The following HUNK variants were observed in gnomAD, a reference collection of about 807,000 sequenced individuals.
HUNK encodes hormonally up-regulated neu tumor-associated kinase.
A neutral mutation model predicts 61.0 loss-of-function variants in HUNK; 21 were observed. That is an observed-to-expected ratio of 0.34 (90% CI 0.24 to 0.50). The LOEUF is 0.50. Among genes scored for constraint, HUNK ranks in the 20% least tolerant of loss-of-function variants. The probability of loss-of-function intolerance (pLI) is 0.98; values close to 1 mark genes in which losing one functional copy is unlikely to be tolerated. For missense variants in HUNK, 772 were observed against 945.7 expected, an observed-to-expected ratio of 0.82 and a Z score of 2.41; for synonymous variants, 371 against 386.1, an observed-to-expected ratio of 0.96 and a Z score of 0.46.
At chr21:31,989,396 C>A (rs946713281) in intron 8 of HUNK, among the ~76,000 whole-genome samples, 5 of 152,258 alleles carry the variant, frequency 3.3e-5, no homozygotes, top group African/African-American at 9.6e-5. Flanking sequence ...TCAGATCCAG[C>A]AATCTGTGCT....
intron 5 of HUNK, among the ~76,000 whole-genome samples, chr21:31,959,301 C>A (rs976650125): frequency 8.5e-5 from 13 of 152,126 alleles, no homozygotes; most frequent in African/African-American, 3.1e-4. Context: ...TTAAAACTCA[C>A]CATCTTATGA....
intron 4 of HUNK, among the ~76,000 whole-genome samples, chr21:31,950,348 T>C (rs1396202064): frequency 6.6e-6 from 1 of 151,988 alleles, no homozygotes; most frequent in Non-Finnish European, 1.5e-5. Flanking sequence ...AAAACCAGAT[T>C]CTTTTGTTAT....
At chr21:31,982,850 C>T (rs193221849) in intron 7 of HUNK, among the ~76,000 whole-genome samples, 5 of 152,124 alleles carry the variant, frequency 3.3e-5, no homozygotes, top group Admixed American at 2.6e-4. Context: ...GTCACCCAGG[C>T]TGGAGTGCAA....
chr21:31,888,550 A>T (rs999621743), intron 1 of HUNK, among the ~76,000 whole-genome samples: 2 of 152,188 alleles, frequency 1.3e-5, no homozygotes, highest in Non-Finnish European at 2.9e-5. Context: ...CAGACTGACC[A>T]ACATGGTGAA....
rs186880650 is a variant in HUNK at position 31,903,295 on chromosome 21, A to G, written c.262-21173A>G. ...CATAATGATTAGTTCTTGTAAGTGG[A>G]AAACATCCCTTTGAAGTCGATGATA... On this transcript the variant is annotated intron_variant, in intron 1 of 10. Transcript: ENST00000270112. Among the ~76,000 whole-genome samples, 40 of 152,322 alleles carry G rather than the reference A, an allele frequency of 2.6e-4. No homozygotes were observed. The East Asian group carries it at 7.5e-3, about 29-fold the overall frequency.
In HUNK at chr21:31,939,413, T is replaced by G. The variant is rs577635341; in HGVS notation, c.555-752T>G. ...GGCTTTCATGTGTTTTTTTTTTTTT[T>G]TTTTTTTTTTTTGAGATGGAGTTTC... On this transcript the variant is annotated intron_variant, in intron 2 of 10. Transcript: ENST00000270112. Among the ~76,000 whole-genome samples, 322 of 141,666 alleles carry G rather than the reference T, an allele frequency of 2.3e-3. 2 individuals are homozygous for G. The highest frequency in any genetic ancestry group is 2.7e-3 in the Non-Finnish European group (179 of 65,298). The allele number at this position is 141,666 out of a possible 152,430, so 92.9% of individuals were successfully genotyped here.
chr21:31,874,416 T>A (rs933298312), intron 1 of HUNK, among the ~76,000 whole-genome samples: 1 of 150,752 alleles, frequency 6.6e-6, no homozygotes, highest in African/African-American at 2.4e-5. Flanking sequence ...TCGGAGGAGG[T>A]GGGAGAAGGC....
intron 7 of HUNK, among the ~76,000 whole-genome samples, chr21:31,979,705 C>A (rs139259407): frequency 6.6e-6 from 1 of 151,214 alleles, no homozygotes; most frequent in South Asian, 2.1e-4. Flanking sequence ...TTAGTAGAGA[C>A]AGGGTTTCAC....
Position 31,941,399 on chromosome 21 carries a change from C to T in HUNK, c.610+1179C>T, listed in dbSNP as rs564986645. On this transcript the variant is annotated intron_variant, in intron 3 of 10. Transcript: ENST00000270112. ...TTGGCTCACTGCAGCCTCTGCCTCC[C>T]GGGTTCAAGCGATTCTCCTGTCTCA... 4.4e-3 allele frequency among the ~76,000 whole-genome samples: 659 copies of T among 151,338 alleles called. 6 individuals are homozygous for T. Among genetic ancestry groups the T allele is most frequent in the African/African-American group, 7.7e-3 (317 of 41,234 alleles).
chr21:31,944,132 T>G (rs1013182147), intron 3 of HUNK, among the ~76,000 whole-genome samples: 1 of 152,204 alleles, frequency 6.6e-6, no homozygotes, highest in African/African-American at 2.4e-5. Context: ...CAGGCTGGAG[T>G]GCAGTGGCGC....
chr21:31,929,104 T>A (rs1181228891), intron 2 of HUNK, among the ~76,000 whole-genome samples: 1 of 152,152 alleles, frequency 6.6e-6, no homozygotes, highest in Non-Finnish European at 1.5e-5. Flanking sequence ...CTGATTAGGC[T>A]GATATTATGT....
At chr21:31,985,630 C>G (rs1284267924) in intron 8 of HUNK, among the ~76,000 whole-genome samples, 1 of 152,070 alleles carries the variant, frequency 6.6e-6, no homozygotes, top group Non-Finnish European at 1.5e-5. Context: ...CGGCAGGGGG[C>G]GGGGCAGCCA....
chr21:31,903,614 A>G (rs1568921034), intron 1 of HUNK, among the ~76,000 whole-genome samples: 1 of 152,222 alleles, frequency 6.6e-6, no homozygotes, highest in Non-Finnish European at 1.5e-5. Context: ...CCTGGATAGA[A>G]CAGAAATGTT....
At chr21:31,943,259 A>G (rs942764971) in intron 3 of HUNK, among the ~76,000 whole-genome samples, 1 of 152,228 alleles carries the variant, frequency 6.6e-6, no homozygotes, top group Non-Finnish European at 1.5e-5. Flanking sequence ...TTTCAAAAAA[A>G]GCAGTCTGAT....
intron 7 of HUNK, among the ~76,000 whole-genome samples, chr21:31,980,379 CT>C (rs35350096): frequency 4.0e-3 from 339 of 84,538 alleles, no homozygotes; most frequent in Middle Eastern, 0.016. Flanking sequence ...CTGTCTTCTT[CT>C]TTTTTTTTTT....
intron 4 of HUNK, among the ~76,000 whole-genome samples, chr21:31,946,846 C>G (rs1264515117): frequency 1.3e-5 from 2 of 152,220 alleles, no homozygotes; most frequent in African/African-American, 4.8e-5. Flanking sequence ...AACTCCTGAC[C>G]TCAGGTGAAC....
At chr21:31,980,139 T>C (rs1264526156) in intron 7 of HUNK, among the ~76,000 whole-genome samples, 1 of 152,212 alleles carries the variant, frequency 6.6e-6, no homozygotes, top group East Asian at 1.9e-4. Flanking sequence ...TGGTGTGATC[T>C]CAGCTCACCG....
chr21:31,920,927 G>A (rs189692714), intron 1 of HUNK, among the ~76,000 whole-genome samples: 35 of 152,230 alleles, frequency 2.3e-4, no homozygotes, highest in Admixed American at 2.0e-3. Flanking sequence ...CAAGGTGGGC[G>A]GATCACTTGA....
chr21:31,892,209 A>AGAGT lies in HUNK; in HGVS notation c.261+18275_261+18276insAGTG, dbSNP rs1310942168. Reference sequence around the variant, plus strand: ...GAGAGAGAGAGAGAGAGAGAGAGAGAGTGTGTGTGTGTGTGTGTGTGTACA... The same window carrying AGAGT: ...GAGAGAGAGAGAGAGAGAGAGAGAGAGAGTGTGTGTGTGTGTGTGTGTGTGTACA... On this transcript the variant is annotated intron_variant, in intron 1 of 10. Coordinates refer to ENST00000270112, the MANE Select transcript of HUNK (RefSeq NM_014586.2). Among the ~76,000 whole-genome samples the AGAGT allele has an allele frequency of 8.4e-3, 958 of 114,204 alleles. 7 individuals are homozygous for AGAGT. The highest frequency in any genetic ancestry group is 0.026 in the Middle Eastern group (5 of 190). 74.9% of individuals were successfully genotyped at this position (114,204 alleles called of 152,430 possible).
Sources: allele counts gnomAD v4.1 joint callset (sites outside exome capture counted in the v4.1 genomes callset), GRCh38; gene constraint gnomAD v4.1.1; transcripts MANE v1.5; gene names NCBI Gene and HGNC (gene_info 2026-07-23, HGNC 2026-07-21).